TMEM131: variants seen among roughly 807,000 people sequenced by gnomAD.
The protein encoded by TMEM131 is transmembrane protein 131.
A neutral mutation model predicts 211.6 loss-of-function variants in TMEM131; 66 were observed. That is an observed-to-expected ratio of 0.31 (90% CI 0.26 to 0.38). TMEM131 has a LOEUF of 0.38. Ranked by LOEUF, TMEM131 falls within the 10% of genes least tolerant of loss-of-function variation. The pLI, the probability that TMEM131 is intolerant of heterozygous loss-of-function variation, is 1.00. For missense variants in TMEM131, 2,036 were observed against 2,299.3 expected (o/e 0.89, Z 2.34); for synonymous variants, 844 against 841.3 (o/e 1.00, Z -0.06).
In TMEM131 at chr2:97,915,132, G is replaced by A. The variant is rs1255595313; in HGVS notation, c.250-6434C>T. On this transcript the variant is annotated intron_variant, in intron 2 of 40. Coordinates refer to ENST00000186436, the MANE Select transcript of TMEM131 (RefSeq NM_015348.2). ...GGTTTTCATGTCGTTTTTACCATCT[G>A]TATTTCCCCTTCAGGGAAATGTGTG... Among the ~76,000 whole-genome samples the A allele has an allele frequency of 2.6e-5, 4 of 152,170 alleles. No individual in the cohort carries two copies. In the East Asian group the frequency reaches 7.7e-4, roughly 29 times the overall value.
intron 4 of TMEM131, among the ~76,000 whole-genome samples, chr2:97,879,180 T>C (rs1297039803): frequency 1.3e-5 from 2 of 152,174 alleles, no homozygotes; most frequent in Non-Finnish European, 2.9e-5. Flanking sequence ...AGACACAGAA[T>C]GCAAGGCTGA....
chr2:97,768,391 T>C (rs527933804), intron 33 of TMEM131, among the ~76,000 whole-genome samples: 1 of 152,338 alleles, frequency 6.6e-6, no homozygotes, highest in Admixed American at 6.5e-5. Context: ...GTGTGATCTA[T>C]TTTTAAGTGT....
intron 1 of TMEM131, among the ~76,000 whole-genome samples, chr2:97,943,254 A>T (rs1159575572): frequency 6.6e-6 from 1 of 152,162 alleles, no homozygotes; most frequent in Admixed American, 6.5e-5. Context: ...TCTCTAAAAA[A>T]ATTTAAGTAA....
intron 1 of TMEM131, among the ~76,000 whole-genome samples, chr2:97,940,405 T>C (rs1677662127): frequency 6.6e-6 from 1 of 152,070 alleles, no homozygotes; most frequent in Admixed American, 6.5e-5. Context: ...ATGAGTGAAC[T>C]CCCATTCACT....
chr2:97,785,754 T>C (rs1046555269), intron 31 of TMEM131, among the ~76,000 whole-genome samples: 1 of 152,146 alleles, frequency 6.6e-6, no homozygotes, highest in African/African-American at 2.4e-5. Context: ...AGCCCCAAAT[T>C]AGACATAATC....
chr2:97,958,174 TAAG>T, intron 1 of TMEM131, among the ~76,000 whole-genome samples: 1 of 152,272 alleles, frequency 6.6e-6, no homozygotes, highest in East Asian at 1.9e-4. Context: ...TGAAGAGAAT[TAAG>T]AAGAGGCTGG....
At chr2:97,964,835 T>C (rs1335948742) in intron 1 of TMEM131, among the ~76,000 whole-genome samples, 4 of 152,222 alleles carry the variant, frequency 2.6e-5, no homozygotes, top group Non-Finnish European at 5.9e-5. Flanking sequence ...ATACACACTA[T>C]TATCAGCAAA....
chr2:97,838,248 C>A (rs1346974545), intron 7 of TMEM131, among the ~76,000 whole-genome samples: 1 of 150,162 alleles, frequency 6.7e-6, no homozygotes, highest in Non-Finnish European at 1.5e-5. Context: ...AGGCAGGAGA[C>A]CTTCCTTTAA....
In TMEM131 at chr2:97,756,841, G is replaced by A. The variant is rs535796733; in HGVS notation, c.*258C>T. 1 of 335,904 alleles carries A rather than the reference G, an allele frequency of 3.0e-6. No individual in the cohort carries two copies. The highest frequency in any genetic ancestry group is 9.4e-5 in the South Asian group (1 of 10,646). The allele number at this position is 335,904 out of a possible 1,614,324, so 20.8% of individuals were successfully genotyped here. ...AACGCAGTAACGGGAAAGGTTCTCA[G>A]ATGTACAGGTCTTATTAGAGTTTGT... is the stretch of plus-strand genomic sequence containing the variant. On this transcript the variant is annotated 3_prime_UTR_variant, in exon 41 of 41. Coordinates refer to ENST00000186436, the MANE Select transcript of TMEM131 (RefSeq NM_015348.2).
intron 26 of TMEM131, 66 bp from the exon 27 acceptor site, chr2:97,797,052 T>G: frequency 3.3e-6 from 5 of 1,502,360 alleles, no homozygotes; most frequent in Middle Eastern, 1.7e-4. Flanking sequence ...GATTTGCAAT[T>G]TCTACTGTTA....
At chr2:97,830,132 TAAAAAAAAA>T (rs60531384) in intron 11 of TMEM131, among the ~76,000 whole-genome samples, 1 of 72,350 alleles carries the variant, frequency 1.4e-5, no homozygotes, top group African/African-American at 5.7e-5. Flanking sequence ...CATTATCAGT[TAAAAAAAAA>T]AAAAAAAAAA....
intron 1 of TMEM131, among the ~76,000 whole-genome samples, chr2:97,928,664 G>C (rs1026565283): frequency 2.0e-5 from 3 of 151,718 alleles, no homozygotes; most frequent in African/African-American, 7.3e-5. Flanking sequence ...CCATACACAC[G>C]CAATGTATTC....
At chr2:97,843,326 G>T (rs1346705244) in intron 6 of TMEM131, among the ~76,000 whole-genome samples, 1 of 152,126 alleles carries the variant, frequency 6.6e-6, no homozygotes, top group African/African-American at 2.4e-5. Flanking sequence ...AGCAATTATT[G>T]TTAAGAATCT....
intron 1 of TMEM131, among the ~76,000 whole-genome samples, chr2:97,947,340 G>A (rs1678091405): frequency 6.6e-6 from 1 of 151,970 alleles, no homozygotes; most frequent in Non-Finnish European, 1.5e-5. Context: ...AATTCTACTA[G>A]AATTTTTTTG....
chr2:97,889,323 G>A (rs768712418), intron 3 of TMEM131, among the ~76,000 whole-genome samples: 62 of 152,226 alleles, frequency 4.1e-4, no homozygotes, highest in Middle Eastern at 3.4e-3. Flanking sequence ...ACCGGGACAT[G>A]AAGGCACAAT....
intron 3 of TMEM131, among the ~76,000 whole-genome samples, chr2:97,889,482 A>T (rs1573515158): frequency 6.6e-6 from 1 of 151,792 alleles, no homozygotes; most frequent in Non-Finnish European, 1.5e-5. Flanking sequence ...ACTCAAATTT[A>T]CATAAATCTT....
At chr2:97,797,082 G>T in intron 26 of TMEM131, 96 bp from the exon 27 acceptor site, 2 of 1,273,216 alleles carry the variant, frequency 1.6e-6, no homozygotes, top group Non-Finnish European at 2.2e-6. Context: ...GCACCACATA[G>T]AAATTAAATT....
In TMEM131 at chr2:97,805,089, T is replaced by C. The variant is rs753843601; in HGVS notation, c.2401A>G (p.Arg801Gly). 1 of 1,606,948 alleles carries C rather than the reference T, an allele frequency of 6.2e-7. No individual in the cohort carries two copies. Among genetic ancestry groups the C allele is most frequent in the Admixed American group, 1.7e-5 (1 of 58,866 alleles). The change falls in exon 22 of 41, where the codon AGA (arginine) becomes GGA (glycine). Residue 801 changes from arginine to glycine, a missense_variant and splice_region_variant. Arg to Gly is a moderately radical substitution (Grantham distance 125). This residue lies in a region of TMEM131 where 1,623 missense variants were observed against 1,805.9 expected (regional missense o/e 0.90). Transcript: ENST00000186436. ...WTGIKENSGH[R>G]LSAIFEVNTD... The stretch of plus-strand genomic sequence containing the variant: ...AATAAATAAACATAAACCACTCACC[T>C]ATGACCTGAATTTTCCTTTATTCCT...
At chr2:97,786,544 CA>C (rs1191902064) in intron 31 of TMEM131, among the ~76,000 whole-genome samples, 1 of 152,226 alleles carries the variant, frequency 6.6e-6, no homozygotes, top group East Asian at 1.9e-4. Context: ...AACCAAAAAC[CA>C]AAAACTCTTT....
Sources: gnomAD v4.1 joint callset for allele counts (sites outside exome capture counted in the v4.1 genomes callset) on GRCh38, gnomAD v4.1.1 for gene constraint, gnomAD v4.1.1 regional missense constraint, MANE v1.5 for transcripts, NCBI Gene and HGNC (gene_info 2026-07-23, HGNC 2026-07-21) for gene names.